Variants in GET1 observed in about 807,000 individuals in gnomAD.
GET1 encodes guided entry of tail-anchored proteins factor 1.
Under a neutral mutation model 22.6 loss-of-function variants are expected in GET1, and 20 were observed. The observed-to-expected ratio is 0.89, with a 90% CI of 0.62 to 1.29. The LOEUF is 1.29. Among genes scored for constraint, GET1 ranks in the 50% most tolerant of loss-of-function variants. GET1 has a pLI of 0.00. For synonymous variants in GET1, 92 were observed against 83.8 expected (o/e 1.10, Z -0.53); for missense variants, 209 against 219.9 (o/e 0.95, Z 0.31).
chr21:39,380,596 C>T, intron 1 of GET1, 110 bp downstream of exon 1: 2 of 1,506,666 alleles, frequency 1.3e-6, no homozygotes, highest in Non-Finnish European at 8.9e-7. Flanking sequence ...GCCGTAGTAG[C>T]GTCTTGGTTG....
intron 1 of GET1, 136 bp from the exon 2 acceptor site, chr21:39,390,562 A>C (rs774060604): frequency 6.8e-6 from 8 of 1,172,216 alleles, no homozygotes; most frequent in Non-Finnish European, 4.7e-6. Flanking sequence ...CGCAGTTTGC[A>C]TTCAGTCCTG....
At chr21:39,420,505 A>G (rs1312150125) in intron 1 of GET1, among the ~76,000 whole-genome samples, 1 of 129,010 alleles carries the variant, frequency 7.8e-6, no homozygotes, top group Non-Finnish European at 1.6e-5. Context: ...CCTGGGTGAC[A>G]GAGCAAGATT....
At chr21:39,415,342 C>T (rs1023688173) in intron 1 of GET1, among the ~76,000 whole-genome samples, 1 of 152,098 alleles carries the variant, frequency 6.6e-6, no homozygotes, top group African/African-American at 2.4e-5. Context: ...AAGCATTTTT[C>T]CCTTTGAAAC....
intron 1 of GET1, among the ~76,000 whole-genome samples, chr21:39,388,906 G>T: frequency 6.6e-6 from 1 of 152,192 alleles, no homozygotes; most frequent in East Asian, 1.9e-4. Context: ...GTCATGCGGG[G>T]CCCCTCTGCT....
At chr21:39,423,504 A>C (rs772884701) in intron 1 of GET1, 1 of 1,531,876 alleles carries the variant, frequency 6.5e-7, no homozygotes, top group South Asian at 1.3e-5. Flanking sequence ...TGTAAGCAGA[A>C]AATCCAGTTT....
intron 1 of GET1, among the ~76,000 whole-genome samples, chr21:39,415,076 A>AT (rs1175880809): frequency 4.6e-5 from 7 of 151,970 alleles, no homozygotes; most frequent in South Asian, 2.1e-4. Context: ...TAATTTCTAA[A>AT]TTTTTTTGTA....
chr21:39,423,175 A>AGTT (rs778318956), intron 1 of GET1: 2 of 1,613,222 alleles, frequency 1.2e-6, no homozygotes, highest in Non-Finnish European at 1.7e-6. Flanking sequence ...TTTCCTAAGT[A>AGTT]GTTGCCTTAA....
intron 1 of GET1, among the ~76,000 whole-genome samples, chr21:39,427,331 A>G (rs905457657): frequency 6.6e-6 from 1 of 152,178 alleles, no homozygotes; most frequent in African/African-American, 2.4e-5. Context: ...GCTAATTCCA[A>G]TTTGGACAGC....
rs945237779 is a variant in GET1, at chr21:39,383,255, AT to A, written c.102+2780del. ...AGGCTTGTGCCACCGCGCCCAGCCT[AT>A]TTTTTTTTTTATTATTTATTTTATT... On this transcript the variant is annotated intron_variant, in intron 1 of 4. Transcript: ENST00000649170. Among the ~76,000 whole-genome samples, 925 of 137,472 alleles carry A rather than the reference AT, an allele frequency of 6.7e-3. 8 individuals are homozygous for A. The highest frequency in any genetic ancestry group is 0.022 in the African/African-American group (816 of 37,324). The allele number at this position is 137,472 out of a possible 152,430, so 90.2% of individuals were successfully genotyped here. A position where few individuals can be genotyped will look rare whatever the true frequency, so the allele number is the denominator to read the frequency against.
In GET1 at chr21:39,383,396, C is replaced by T. The variant is rs563715422; in HGVS notation, c.102+2910C>T. Among the ~76,000 whole-genome samples, 9 of 151,946 alleles carry T rather than the reference C, an allele frequency of 5.9e-5. No homozygotes were observed. In the East Asian group the frequency reaches 1.7e-3, roughly 29 times the overall value. ...CCCCGAGTTCAAGAGATTCTCCTGC[C>T]TCAGCTTCCCAAGTAGCTGGGATTA... On this transcript the variant is annotated intron_variant, in intron 1 of 4. Transcript: ENST00000649170.
downstream of GET1, among the ~76,000 whole-genome samples, chr21:39,399,369 C>T (rs940663870): frequency 6.6e-6 from 1 of 151,972 alleles, no homozygotes; most frequent in Non-Finnish European, 1.5e-5. Context: ...GGGTGACTGG[C>T]GTTAGCATCT....
chr21:39,390,810 A>G lies in GET1; in HGVS notation c.215A>G (p.Tyr72Cys), dbSNP rs2038250985. The change falls in exon 2 of 5, where the codon TAT becomes TGT. Residue 72 changes from tyrosine (Y) to cysteine (C), a missense_variant. Coordinates refer to ENST00000649170, the MANE Select transcript of GET1 (RefSeq NM_004627.6). Reference sequence around the variant, plus strand: ...AACATGATGGACGAGTTTGCCAGATATGCCAGGCTGGAAAGAAAGATCAAC... The same window carrying G: ...AACATGATGGACGAGTTTGCCAGATGTGCCAGGCTGGAAAGAAAGATCAAC... ...TVNMMDEFAR[Y>C]ARLERKINKM... 6.2e-6 allele frequency: 10 copies of G among 1,614,234 alleles called. No homozygotes were observed. Among genetic ancestry groups the G allele is most frequent in the Non-Finnish European group, 8.5e-6 (10 of 1,180,038 alleles).
At chr21:39,401,673 A>G (rs1221830724), downstream of GET1, among the ~76,000 whole-genome samples, 1 of 152,164 alleles carries the variant, frequency 6.6e-6, no homozygotes. Context: ...TTTTTCACAA[A>G]TTGAAGGTCT....
chr21:39,422,708 T>C, intron 1 of GET1: 1 of 521,754 alleles, frequency 1.9e-6, no homozygotes, highest in Non-Finnish European at 3.3e-6. Flanking sequence ...TCTTAGAGAA[T>C]GGTCATTTCC....
chr21:39,380,589 G>A (rs992638962), intron 1 of GET1, 103 bp downstream of exon 1: 11 of 1,520,012 alleles, frequency 7.2e-6, no homozygotes, highest in African/African-American at 4.1e-5. Context: ...ACTGAAGGCC[G>A]TAGTAGCGTC....
chr21:39,400,382 G>A (rs532072662), downstream of GET1, among the ~76,000 whole-genome samples: 9 of 152,174 alleles, frequency 5.9e-5, no homozygotes, highest in Admixed American at 1.3e-4. Flanking sequence ...GGTTATTTCA[G>A]TGATGACGCA....
At chr21:39,422,922 CCT>C in intron 1 of GET1, 4 of 1,523,768 alleles carry the variant, frequency 2.6e-6, no homozygotes, top group Non-Finnish European at 3.6e-6. Context: ...TAATTCACAC[CCT>C]CTCTCTATTA....
intron 1 of GET1, among the ~76,000 whole-genome samples, chr21:39,382,101 T>C (rs2037589220): frequency 6.6e-6 from 1 of 151,168 alleles, no homozygotes; most frequent in Non-Finnish European, 1.5e-5. Flanking sequence ...GTTGCCTATG[T>C]AGGAGTGCAG....
At chr21:39,415,831 T>C (rs1344154563) in intron 1 of GET1, among the ~76,000 whole-genome samples, 1 of 152,210 alleles carries the variant, frequency 6.6e-6, no homozygotes, top group Admixed American at 6.5e-5. Context: ...TTTCCCACAG[T>C]CTCATGCTGC....
Sources: allele counts gnomAD v4.1 joint callset (sites outside exome capture counted in the v4.1 genomes callset), GRCh38; gene constraint gnomAD v4.1.1; transcripts MANE v1.5; gene names NCBI Gene and HGNC (gene_info 2026-07-23, HGNC 2026-07-21).